LHFPL3: variants seen among roughly 807,000 people sequenced by gnomAD.
LHFPL3 encodes LHFPL tetraspan subfamily member 3 protein.
LHFPL3 carries 5 observed loss-of-function variants against 19.3 expected under a neutral mutation model. The ratio of observed to expected loss-of-function variants is 0.26; its 90% confidence interval spans 0.14 to 0.54. LHFPL3 has a LOEUF of 0.54. Among genes scored for constraint, LHFPL3 ranks in the 20% least tolerant of loss-of-function variants. LHFPL3 has a pLI of 0.94. For synonymous variants in LHFPL3, 133 were observed against 126.2 expected, an observed-to-expected ratio of 1.05 and a Z score of -0.36; for missense variants, 249 against 307.4, an observed-to-expected ratio of 0.81 and a Z score of 1.42.
chr7:104,538,997 T>C (rs889314464), intron 1 of LHFPL3, among the ~76,000 whole-genome samples: 2 of 152,162 alleles, frequency 1.3e-5, no homozygotes, highest in African/African-American at 4.8e-5. Context: ...GGTTTTGAAG[T>C]TGGAGGAAAT....
At chr7:104,678,283 T>C (rs908164275) in intron 1 of LHFPL3, among the ~76,000 whole-genome samples, 2 of 152,110 alleles carry the variant, frequency 1.3e-5, no homozygotes, top group African/African-American at 4.8e-5. Context: ...TCTGGGCAGG[T>C]TTAATGCTAG....
chr7:104,906,145 T>TC (rs752244985), intron 2 of LHFPL3, 42 bp from the exon 3 acceptor site: 8 of 1,592,884 alleles, frequency 5.0e-6, no homozygotes, highest in Middle Eastern at 1.7e-4. Context: ...ATTTTTTCTC[T>TC]CCCCCCACCC....
chr7:104,424,969 G>A (rs1401427059), intron 1 of LHFPL3, among the ~76,000 whole-genome samples: 2 of 115,322 alleles, frequency 1.7e-5, no homozygotes, highest in Non-Finnish European at 3.2e-5. Flanking sequence ...GCGACAGAGT[G>A]AGACTCCATC....
At chr7:104,830,387 T>C (rs1207026615) in intron 2 of LHFPL3, among the ~76,000 whole-genome samples, 13 of 151,952 alleles carry the variant, frequency 8.6e-5, no homozygotes, top group Non-Finnish European at 1.8e-4. Context: ...TTTGGTGTTT[T>C]AGACATGAAG....
chr7:104,832,454 C>T (rs1171142843), intron 2 of LHFPL3, among the ~76,000 whole-genome samples: 2 of 151,662 alleles, frequency 1.3e-5, no homozygotes, highest in Non-Finnish European at 2.9e-5. Context: ...AATGTGTCAT[C>T]GCATAATACT....
At chr7:104,489,078 CTTTT>C (rs10706776) in intron 1 of LHFPL3, among the ~76,000 whole-genome samples, 1 of 41,656 alleles carries the variant, frequency 2.4e-5, no homozygotes, top group Non-Finnish European at 6.7e-5. Flanking sequence ...GTGCTGAAAT[CTTTT>C]TTTTTTTTTT....
chr7:104,801,480 T>C (rs1790244050), intron 2 of LHFPL3, among the ~76,000 whole-genome samples: 1 of 152,234 alleles, frequency 6.6e-6, no homozygotes. Flanking sequence ...TGAAAGGAAC[T>C]ATTTTAACTT....
At chr7:104,853,141 A>G (rs1332732917) in intron 2 of LHFPL3, among the ~76,000 whole-genome samples, 1 of 152,220 alleles carries the variant, frequency 6.6e-6, no homozygotes, top group Non-Finnish European at 1.5e-5. Context: ...CTCAACGAGG[A>G]GCAAGCCTAT....
intron 1 of LHFPL3, among the ~76,000 whole-genome samples, chr7:104,627,629 C>T (rs1791570437): frequency 6.6e-6 from 1 of 152,168 alleles, no homozygotes; most frequent in African/African-American, 2.4e-5. Flanking sequence ...GCTGTTCTTA[C>T]AAAACAAGGA....
chr7:104,679,110 A>G (rs560552819), intron 1 of LHFPL3, among the ~76,000 whole-genome samples: 8 of 152,380 alleles, frequency 5.3e-5, no homozygotes, highest in Non-Finnish European at 1.2e-4. Context: ...GTTCTAGCTC[A>G]AGGTCTCTCA....
intron 1 of LHFPL3, among the ~76,000 whole-genome samples, chr7:104,539,799 G>A (rs1275775602): frequency 6.6e-6 from 1 of 152,128 alleles, no homozygotes; most frequent in Non-Finnish European, 1.5e-5. Context: ...TAGTATAAAA[G>A]TTACCTTTAT....
At chr7:104,572,522 A>C (rs990826446) in intron 1 of LHFPL3, among the ~76,000 whole-genome samples, 1 of 152,160 alleles carries the variant, frequency 6.6e-6, no homozygotes, top group African/African-American at 2.4e-5. Context: ...AAGCAGTGGG[A>C]ACATTCTTAA....
At chr7:104,449,542 T>C (rs1470366844) in intron 1 of LHFPL3, among the ~76,000 whole-genome samples, 1 of 152,190 alleles carries the variant, frequency 6.6e-6, no homozygotes, top group African/African-American at 2.4e-5. Flanking sequence ...CCTTGTTGCA[T>C]TTAGTAACTC....
At chr7:104,735,856 T>C (rs1315726222) in intron 1 of LHFPL3, among the ~76,000 whole-genome samples, 1 of 151,698 alleles carries the variant, frequency 6.6e-6, no homozygotes, top group Non-Finnish European at 1.5e-5. Flanking sequence ...GCCATAACAC[T>C]TTCTTTATCA....
chr7:104,821,133 C>T (rs913903708), intron 2 of LHFPL3, among the ~76,000 whole-genome samples: 3 of 152,112 alleles, frequency 2.0e-5, no homozygotes, highest in Admixed American at 1.3e-4. Context: ...AAAAAAATGT[C>T]GTTATGTAGT....
At chr7:104,874,543 C>T (rs1370643808) in intron 2 of LHFPL3, among the ~76,000 whole-genome samples, 1 of 151,886 alleles carries the variant, frequency 6.6e-6, no homozygotes, top group African/African-American at 2.4e-5. Context: ...TACAGGCATG[C>T]ATCACCACAC....
chr7:104,893,951 C>CAA (rs34793599), intron 2 of LHFPL3, among the ~76,000 whole-genome samples: 2 of 135,360 alleles, frequency 1.5e-5, no homozygotes, highest in East Asian at 2.1e-4. Flanking sequence ...GACTCCATCT[C>CAA]AAAAAAAAAA....
intron 1 of LHFPL3, among the ~76,000 whole-genome samples, chr7:104,639,390 G>T (rs1791788641): frequency 6.6e-6 from 1 of 152,078 alleles, no homozygotes; most frequent in South Asian, 2.1e-4. Flanking sequence ...GTCTCTGATT[G>T]TTATTTGTAT....
chr7:104,455,880 C>A (rs988312893), intron 1 of LHFPL3, among the ~76,000 whole-genome samples: 2 of 151,996 alleles, frequency 1.3e-5, no homozygotes, highest in Non-Finnish European at 2.9e-5. Context: ...TAAACCATTG[C>A]GTGTAATTTT....
Sources: allele counts gnomAD v4.1 joint callset (sites outside exome capture counted in the v4.1 genomes callset), GRCh38; gene constraint gnomAD v4.1.1; transcripts MANE v1.5; gene names NCBI Gene and HGNC (gene_info 2026-07-23, HGNC 2026-07-21).